EHMT1: variants seen among roughly 807,000 people sequenced by gnomAD.
EHMT1 encodes the protein euchromatic histone lysine methyltransferase 1.
In EHMT1, 15 loss-of-function variants were observed where a neutral mutation model predicts 147.2. The observed-to-expected ratio is 0.10, with a 90% CI of 0.07 to 0.16. The LOEUF (loss-of-function observed/expected upper bound fraction) is 0.16. Among genes scored for constraint, EHMT1 ranks in the 10% least tolerant of loss-of-function variants. EHMT1 has a pLI of 1.00. For missense variants in EHMT1, 1,587 were observed against 1,772.4 expected, an observed-to-expected ratio of 0.90 and a Z score of 1.88; for synonymous variants, 795 against 709.6, an observed-to-expected ratio of 1.12 and a Z score of -1.91.
intron 10 of EHMT1, among the ~76,000 whole-genome samples, chr9:137,768,049 T>A (rs1031234233): frequency 2.0e-5 from 3 of 152,178 alleles, no homozygotes; most frequent in African/African-American, 7.2e-5. Flanking sequence ...TTGTACAACT[T>A]TGTAGCCGAG....
rs527464003 is a variant in EHMT1 at position 137,680,558 on chromosome 9, GTAGA to G, written c.22-30407_22-30404del. Reference sequence around the variant, plus strand: ...CAGAAGGAATAGTCCATGAGAAAAGGTAGATTGTACTGTTCACGTTCTGTGTGAG... The same window carrying G: ...CAGAAGGAATAGTCCATGAGAAAAGGTTGTACTGTTCACGTTCTGTGTGAG... On this transcript the variant is annotated intron_variant, in intron 1 of 26. Coordinates refer to ENST00000460843, the MANE Select transcript of EHMT1 (RefSeq NM_024757.5). 1.1e-4 allele frequency among the ~76,000 whole-genome samples: 17 copies of G among 152,356 alleles called. No individual in the cohort carries two copies. In the East Asian group the frequency reaches 3.3e-3, roughly 29 times the overall value.
intron 13 of EHMT1, among the ~76,000 whole-genome samples, chr9:137,779,405 T>C (rs556568813): frequency 2.0e-5 from 3 of 152,384 alleles, no homozygotes; most frequent in Admixed American, 6.5e-5. Context: ...CGCAGTTTCT[T>C]GTCCGCAGTT....
At chr9:137,719,695 A>G (rs1945738431) in intron 3 of EHMT1, among the ~76,000 whole-genome samples, 2 of 152,224 alleles carry the variant, frequency 1.3e-5, no homozygotes, top group African/African-American at 2.4e-5. Context: ...GGATGCTGAC[A>G]TTGGTAAAGT....
At chr9:137,799,844 C>G (rs376799092) in intron 17 of EHMT1, among the ~76,000 whole-genome samples, 15 of 152,326 alleles carry the variant, frequency 9.8e-5, no homozygotes, top group African/African-American at 3.6e-4. Context: ...GCCCAGAGGT[C>G]GGAGCCCCGC....
At chr9:137,706,205 G>A (rs546685068) in intron 1 of EHMT1, among the ~76,000 whole-genome samples, 1 of 152,334 alleles carries the variant, frequency 6.6e-6, no homozygotes, top group Non-Finnish European at 1.5e-5. Flanking sequence ...TGTAGGTTGG[G>A]GCTCCTGAGG....
intron 18 of EHMT1, among the ~76,000 whole-genome samples, chr9:137,805,016 TGA>T (rs781438025): frequency 7.0e-4 from 107 of 151,918 alleles, no homozygotes; most frequent in Non-Finnish European, 1.3e-3. Context: ...TGTCCATGTG[TGA>T]GTCAGTCATC....
rs1182952455 is a variant in EHMT1, at chr9:137,752,268, T to C, written c.1171-63T>C. On this transcript the variant is annotated intron_variant, in intron 6 of 26. Transcript: ENST00000460843. ...TTGCTTTGGATCCGTCATCTGCCAC[T>C]AAAGGATGTAATTGGTTTCTGTTTT... 10 of 1,574,616 alleles carry C rather than the reference T, an allele frequency of 6.4e-6. No individual in the cohort carries two copies. The East Asian group carries it at 1.8e-4, about 29-fold the overall frequency.
At chr9:137,672,057 A>T (rs1047239538) in intron 1 of EHMT1, among the ~76,000 whole-genome samples, 1 of 152,154 alleles carries the variant, frequency 6.6e-6, no homozygotes, top group African/African-American at 2.4e-5. Context: ...CTACATACAG[A>T]TGTGAAGCAT....
chr9:137,790,769 G>A (rs1952465114), intron 15 of EHMT1, 79 bp from the exon 16 acceptor site: 1 of 1,606,122 alleles, frequency 6.2e-7, no homozygotes, highest in Non-Finnish European at 8.5e-7. Context: ...TTTTGAGTGT[G>A]GAAGCTTGTA....
chr9:137,780,133 A>G (rs144176244), intron 14 of EHMT1, among the ~76,000 whole-genome samples: 4,650 of 117,032 alleles, frequency 0.04, 289 homozygotes, highest in African/African-American at 0.15. Context: ...GATGACGCTG[A>G]GATGTGTGGT....
rs1950862378 is a variant in EHMT1 at position 137,775,064 on chromosome 9, C to T, written c.1648-45C>T. The T allele has an allele frequency of 1.2e-6, 2 of 1,613,482 alleles. No individual in the cohort carries two copies. Among genetic ancestry groups the T allele is most frequent in the Admixed American group, 1.7e-5 (1 of 60,008 alleles). ...AGCGCCTGGTGGGAGGGAATGCCGG[C>T]CTCTCGTGACTCTGACATTGACCAC... On this transcript the variant is annotated intron_variant, in intron 10 of 26. Coordinates refer to ENST00000460843, the MANE Select transcript of EHMT1 (RefSeq NM_024757.5). This position sits in a 1 kb window ranked among gnomAD's most constrained non-coding sequence, Gnocchi z 6.1.
At chr9:137,724,506 AC>A (rs776539777) in intron 3 of EHMT1, among the ~76,000 whole-genome samples, 3 of 152,264 alleles carry the variant, frequency 2.0e-5, no homozygotes, top group Non-Finnish European at 2.9e-5. Context: ...TCTTAGTCTT[AC>A]TGTTGAGATT....
intron 25 of EHMT1, among the ~76,000 whole-genome samples, chr9:137,821,257 G>A (rs1955394011): frequency 6.9e-6 from 1 of 144,308 alleles, no homozygotes; most frequent in African/African-American, 2.6e-5. Context: ...CTGACCTCAT[G>A]ATCCACCTGC....
At chr9:137,789,769 G>T (rs899145480) in intron 15 of EHMT1, among the ~76,000 whole-genome samples, 1 of 152,300 alleles carries the variant, frequency 6.6e-6, no homozygotes, top group East Asian at 1.9e-4. Flanking sequence ...CACTTTTGTT[G>T]CCCAGGCTGG....
rs7865298 is a variant in EHMT1 at position 137,830,639 on chromosome 9, C to T, written c.3541-3710C>T. ...GGATGGCATCTGCGCTTCTTTGCAGCGTCTCACTCCTTAGAACATGTCCCA... is the reference window on the plus strand; with the variant it reads ...GGATGGCATCTGCGCTTCTTTGCAGTGTCTCACTCCTTAGAACATGTCCCA... On this transcript the variant is annotated intron_variant, in intron 25 of 26. Transcript: ENST00000460843. 5.4e-3 allele frequency among the ~76,000 whole-genome samples: 772 copies of T among 144,190 alleles called. 6 individuals are homozygous for T. The highest frequency in any genetic ancestry group is 0.022 in the African/African-American group (747 of 33,590). 94.6% of individuals were successfully genotyped at this position (144,190 alleles called of 152,430 possible).
At chr9:137,725,090 G>C (rs972135006) in intron 3 of EHMT1, among the ~76,000 whole-genome samples, 1 of 138,462 alleles carries the variant, frequency 7.2e-6, no homozygotes, top group South Asian at 2.5e-4. Flanking sequence ...ATGGGCAGGC[G>C]TGTGGCATTC....
At chr9:137,722,005 G>A (rs1946108863) in intron 3 of EHMT1, among the ~76,000 whole-genome samples, 1 of 149,782 alleles carries the variant, frequency 6.7e-6, no homozygotes, top group African/African-American at 2.5e-5. Context: ...AGTCTTACGT[G>A]AACTTTAAAT....
chr9:137,690,104 A>G (rs888868838), intron 1 of EHMT1, among the ~76,000 whole-genome samples: 1 of 152,202 alleles, frequency 6.6e-6, no homozygotes, highest in African/African-American at 2.4e-5. Flanking sequence ...TTAAGACCCA[A>G]GGTGACGTGG....
intron 10 of EHMT1, among the ~76,000 whole-genome samples, chr9:137,765,210 G>T (rs1263246814): frequency 6.6e-6 from 1 of 152,214 alleles, no homozygotes; most frequent in Non-Finnish European, 1.5e-5. Flanking sequence ...TGGTACAGAA[G>T]AACTTCCCCA....
Sources: gnomAD v4.1 joint callset for allele counts (sites outside exome capture counted in the v4.1 genomes callset) on GRCh38, gnomAD v4.1.1 for gene constraint, Gnocchi (gnomAD v3.1) non-coding constraint, MANE v1.5 for transcripts, NCBI Gene and HGNC (gene_info 2026-07-23, HGNC 2026-07-21) for gene names.